TENM2: variants seen among roughly 807,000 people sequenced by gnomAD.
TENM2 encodes teneurin transmembrane protein 2, also known as teneurin-2.
Under a neutral mutation model 245.2 loss-of-function variants are expected in TENM2, and 52 were observed. The observed-to-expected ratio is 0.21, with a 90% confidence interval of 0.17 to 0.27. The LOEUF (loss-of-function observed/expected upper bound fraction) is 0.27, where lower values mean the gene tolerates loss of function less well. Ranked by LOEUF, TENM2 falls within the 10% of genes least tolerant of loss-of-function variation. The pLI is 1.00. For synonymous variants in TENM2, 1,363 were observed against 1,438.9 expected, an observed-to-expected ratio of 0.95 and a Z score of 1.19; for missense variants, 3,046 against 3,666.8, an observed-to-expected ratio of 0.83 and a Z score of 4.37.
At chr5:167,237,391 A>G in the TENM2 span, among the ~76,000 whole-genome samples, 1 of 152,254 alleles carries the variant, frequency 6.6e-6, no homozygotes, top group African/African-American at 2.4e-5. Flanking sequence ...TGCTGGCCAC[A>G]TTCAATCACT....
At chr5:167,475,531 G>T (rs889072502) in intron 2 of TENM2, among the ~76,000 whole-genome samples, 2 of 151,932 alleles carry the variant, frequency 1.3e-5, no homozygotes, top group Admixed American at 6.6e-5. Context: ...TGAACGTGCG[G>T]GTTTGTTACA....
chr5:167,463,125 CAT>C (rs1430579924), intron 2 of TENM2, among the ~76,000 whole-genome samples: 3 of 152,086 alleles, frequency 2.0e-5, no homozygotes, highest in African/African-American at 7.2e-5. Flanking sequence ...GGCATATAAA[CAT>C]ATTATATTTC....
intron 23 of TENM2, among the ~76,000 whole-genome samples, chr5:168,225,226 G>A (rs1454012599): frequency 6.6e-6 from 1 of 152,172 alleles, no homozygotes; most frequent in Non-Finnish European, 1.5e-5. Context: ...CTTCTATGCT[G>A]AGCCAATTTG....
At chr5:167,558,697 T>C (rs1274989020) in intron 2 of TENM2, among the ~76,000 whole-genome samples, 1 of 151,936 alleles carries the variant, frequency 6.6e-6, no homozygotes, top group Non-Finnish European at 1.5e-5. Flanking sequence ...AGCTCAGGGC[T>C]CCCACTGATT....
chr5:167,486,837 G>T (rs1313029671), intron 2 of TENM2, among the ~76,000 whole-genome samples: 1 of 152,060 alleles, frequency 6.6e-6, no homozygotes, highest in African/African-American at 2.4e-5. Context: ...TTTAATCGAA[G>T]GACCAAATCT....
intron 2 of TENM2, among the ~76,000 whole-genome samples, chr5:167,462,191 C>CCG (rs1554159764): frequency 7.3e-6 from 1 of 136,946 alleles, no homozygotes; most frequent in Non-Finnish European, 1.6e-5. Flanking sequence ...ACCCCCCCCC[C>CCG]CCATTGCAGG....
chr5:168,134,796 C>A (rs149115559), intron 12 of TENM2, among the ~76,000 whole-genome samples: 1 of 152,320 alleles, frequency 6.6e-6, no homozygotes, highest in Non-Finnish European at 1.5e-5. Context: ...TCACACCCAC[C>A]CACTTTTCCA....
the TENM2 span, among the ~76,000 whole-genome samples, chr5:167,019,296 A>G: frequency 1.2e-4 from 19 of 152,198 alleles, no homozygotes; most frequent in African/African-American, 4.1e-4. Context: ...ACGAAAGGTC[A>G]AAAAAGAACA....
At chr5:167,918,765 A>G (rs1046915615) in intron 3 of TENM2, among the ~76,000 whole-genome samples, 3 of 140,702 alleles carry the variant, frequency 2.1e-5, no homozygotes, top group East Asian at 2.2e-4. Context: ...GGGATTGGAT[A>G]TTTTTCTCCT....
At chr5:167,904,014 T>G (rs1388681279) in intron 3 of TENM2, among the ~76,000 whole-genome samples, 1 of 152,210 alleles carries the variant, frequency 6.6e-6, no homozygotes, top group African/African-American at 2.4e-5. Context: ...TAGTAATTCA[T>G]CTGAGCGGTC....
At chr5:167,758,385 A>T (rs535643887) in intron 2 of TENM2, among the ~76,000 whole-genome samples, 2 of 152,204 alleles carry the variant, frequency 1.3e-5, no homozygotes, top group South Asian at 4.2e-4. Context: ...CCTCTAGCTG[A>T]TTGGCTCAAT....
chr5:167,977,266 AC>A (rs1782508785), intron 4 of TENM2, among the ~76,000 whole-genome samples: 1 of 152,072 alleles, frequency 6.6e-6, no homozygotes, highest in Non-Finnish European at 1.5e-5. Flanking sequence ...TGTACACCAA[AC>A]CCCCATGACA....
chr5:167,415,958 ATGAAT>A (rs1456154864), intron 2 of TENM2, among the ~76,000 whole-genome samples: 1 of 152,166 alleles, frequency 6.6e-6, no homozygotes, highest in Non-Finnish European at 1.5e-5. Context: ...GTATGCTATG[ATGAAT>A]TGTCAGGAGA....
In TENM2 at chr5:167,334,643, G is replaced by T. The variant is rs147600856; in HGVS notation, c.227-40555G>T. Among the ~76,000 whole-genome samples, 16 of 151,890 alleles carry T rather than the reference G, an allele frequency of 1.1e-4. No homozygotes were observed. In the East Asian group the frequency reaches 3.1e-3, roughly 29 times the overall value. ...TTTTCTTTTGTTCTCATAAATTCAT[G>T]GAAGTCTGTCAAAGTTGTGATAGCA... On this transcript the variant is annotated intron_variant, in intron 1 of 28. Coordinates refer to ENST00000518659, the Ensembl canonical transcript of TENM2.
intron 2 of TENM2, among the ~76,000 whole-genome samples, chr5:167,831,764 A>G (rs1340823056): frequency 6.6e-6 from 1 of 152,158 alleles, no homozygotes; most frequent in African/African-American, 2.4e-5. Context: ...GTGTCATATA[A>G]TAGCCTTAAT....
intron 2 of TENM2, among the ~76,000 whole-genome samples, chr5:167,523,558 G>T (rs1025104382): frequency 3.3e-5 from 5 of 152,022 alleles, no homozygotes; most frequent in Non-Finnish European, 5.9e-5. Context: ...AAAATCCCTT[G>T]ATATTTGGTG....
the TENM2 span, among the ~76,000 whole-genome samples, chr5:167,068,638 A>T: frequency 6.6e-6 from 1 of 152,228 alleles, no homozygotes; most frequent in African/African-American, 2.4e-5. Flanking sequence ...CTCATCAGCC[A>T]CATGTAGCTG....
At chr5:167,259,279 C>G in the TENM2 span, among the ~76,000 whole-genome samples, 1 of 152,140 alleles carries the variant, frequency 6.6e-6, no homozygotes, top group Non-Finnish European at 1.5e-5. Flanking sequence ...TCTGGAGACA[C>G]ATATAGTTGG....
At chr5:167,985,672 A>G (rs1360913497) in intron 4 of TENM2, among the ~76,000 whole-genome samples, 1 of 152,230 alleles carries the variant, frequency 6.6e-6, no homozygotes, top group African/African-American at 2.4e-5. Context: ...TGTATAGTAC[A>G]TTTCTTTTCA....
Sources: allele counts gnomAD v4.1 joint callset (sites outside exome capture counted in the v4.1 genomes callset), GRCh38; gene constraint gnomAD v4.1.1; transcripts MANE v1.5; gene names NCBI Gene and HGNC (gene_info 2026-07-23, HGNC 2026-07-21).